Variants in FA2H observed in about 807,000 individuals in gnomAD.
The protein encoded by FA2H is fatty acid alpha-hydroxylase.
A neutral mutation model predicts 44.9 loss-of-function variants in FA2H; 22 were observed. That is an observed-to-expected ratio of 0.49 (90% CI 0.35 to 0.70). FA2H has a LOEUF of 0.70. FA2H is among the 30% of genes least tolerant of loss of function. FA2H has a pLI of 0.01. For synonymous variants in FA2H, 243 were observed against 213.2 expected (o/e 1.14, Z -1.22); for missense variants, 501 against 504.9 (o/e 0.99, Z 0.07).
Position 74,774,751 on chromosome 16 carries a change from G to T in FA2H, c.5C>A (p.Ala2Asp), listed in dbSNP as rs1337944520. 7.7e-7 allele frequency: 1 copy of T among 1,305,644 alleles called. No individual in the cohort carries two copies. The highest frequency in any genetic ancestry group is 3.2e-5 in the East Asian group (1 of 31,470). 80.9% of individuals were successfully genotyped at this position (1,305,644 alleles called of 1,614,324 possible). ...GGAGGCGGCGGGGGGCGGAGCGGGGGCCATGGCCGGAGACCGCAGCTCCCA... is the reference window on the plus strand; with the variant it reads ...GGAGGCGGCGGGGGGCGGAGCGGGGTCCATGGCCGGAGACCGCAGCTCCCA... The part of the protein sequence containing the change: M[A>D]PAPPPAASFS... The change falls in exon 1 of 7, where the codon GCC becomes GAC. Residue 2 changes from alanine to aspartate, a missense_variant. Ala to Asp is a moderately radical substitution (Grantham distance 126). Coordinates refer to ENST00000219368, the MANE Select transcript of FA2H (RefSeq NM_024306.5).
intron 1 of FA2H, among the ~76,000 whole-genome samples, chr16:74,755,159 GT>G (rs33961030): frequency 1.8e-4 from 27 of 146,738 alleles, no homozygotes; most frequent in South Asian, 4.3e-4. Flanking sequence ...ATACATTTGT[GT>G]TTTTTTTTTT....
intron 4 of FA2H, among the ~76,000 whole-genome samples, chr16:74,723,419 T>C (rs955555079): frequency 1.3e-5 from 2 of 152,192 alleles, no homozygotes; most frequent in African/African-American, 2.4e-5. Flanking sequence ...ACCGAAGCTC[T>C]ACACCAACTC....
intron 1 of FA2H, among the ~76,000 whole-genome samples, chr16:74,765,810 T>G (rs1962799374): frequency 6.6e-6 from 1 of 152,156 alleles, no homozygotes; most frequent in Non-Finnish European, 1.5e-5. Flanking sequence ...TGCCTTGGCC[T>G]CCCAAAGTGC....
chr16:74,719,255 C>T, intron 4 of FA2H, 95 bp from the exon 5 acceptor site: 1 of 1,095,562 alleles, frequency 9.1e-7, no homozygotes, highest in Non-Finnish European at 1.3e-6. Context: ...AGCTCGGGAG[C>T]TGCTGCCCTC....
chr16:74,760,330 T>C lies in FA2H; in HGVS notation c.270+14156A>G, dbSNP rs957049006. ...GGTGTTTTGCAGGCCCTAATGCTCA[T>C]AAAGGAAGTATTCTCTAGACTGGCT... On this transcript the variant is annotated intron_variant, in intron 1 of 6. Transcript: ENST00000219368. 5.3e-5 allele frequency among the ~76,000 whole-genome samples: 8 copies of C among 152,300 alleles called. No individual in the cohort carries two copies. The South Asian group carries it at 1.0e-3, about 20-fold the overall frequency.
chr16:74,773,278 G>A (rs773265959), intron 1 of FA2H, among the ~76,000 whole-genome samples: 5 of 152,038 alleles, frequency 3.3e-5, no homozygotes, highest in Non-Finnish European at 5.9e-5. Flanking sequence ...ACAGTATATT[G>A]TTGTAACTAT....
intron 4 of FA2H, among the ~76,000 whole-genome samples, chr16:74,723,685 T>C (rs1961887965): frequency 6.6e-6 from 1 of 152,124 alleles, no homozygotes; most frequent in African/African-American, 2.4e-5. Context: ...GAAACCCTGA[T>C]ACCTCTGGGG....
chr16:74,758,681 T>C (rs561684914), intron 1 of FA2H, among the ~76,000 whole-genome samples: 2 of 152,118 alleles, frequency 1.3e-5, no homozygotes, highest in Non-Finnish European at 2.9e-5. Flanking sequence ...ATCCCAGCAC[T>C]TTGGGAGGCT....
intron 3 of FA2H, 103 bp downstream of exon 3, chr16:74,727,141 C>G: frequency 6.8e-7 from 1 of 1,469,616 alleles, no homozygotes; most frequent in Non-Finnish European, 9.4e-7. Flanking sequence ...ACAGCATAGA[C>G]CTGGGCTCTG....
intron 6 of FA2H, 123 bp downstream of exon 6, chr16:74,716,224 G>T: frequency 8.9e-7 from 1 of 1,119,044 alleles, no homozygotes; most frequent in Non-Finnish European, 1.3e-6. Context: ...GAGAGTAGAG[G>T]GAACCCTCTG....
At chr16:74,720,522 T>A (rs1441912552) in intron 4 of FA2H, among the ~76,000 whole-genome samples, 1 of 152,066 alleles carries the variant, frequency 6.6e-6, no homozygotes, top group African/African-American at 2.4e-5. Flanking sequence ...TCTTTGTTTC[T>A]TTTCTCTACA....
At chr16:74,767,613 C>T (rs1962833309) in intron 1 of FA2H, among the ~76,000 whole-genome samples, 1 of 152,238 alleles carries the variant, frequency 6.6e-6, no homozygotes, top group Admixed American at 6.5e-5. Flanking sequence ...GAGGCAGAGG[C>T]TGGCATGATG....
At chr16:74,715,812 C>CTTTT (rs1281614622) in intron 6 of FA2H, among the ~76,000 whole-genome samples, 1 of 149,198 alleles carries the variant, frequency 6.7e-6, no homozygotes, top group African/African-American at 2.5e-5. Flanking sequence ...TCTTCTTCTT[C>CTTTT]TTCTTTTTTT....
rs891980427 is a variant in FA2H at position 74,713,050 on chromosome 16, T to G, written c.*1140A>C. ...GTTTTGTATATTTATTCCAAAATCT[T>G]TAAATAGCTCCGCAGCAAACAGTAC... On this transcript the variant is annotated 3_prime_UTR_variant, in exon 7 of 7. Transcript: ENST00000219368. 2.0e-5 allele frequency: 3 copies of G among 152,664 alleles called. No individual in the cohort carries two copies. The highest frequency in any genetic ancestry group is 7.2e-5 in the African/African-American group (3 of 41,466). The allele number at this position is 152,664 out of a possible 1,614,324, so 9.5% of individuals were successfully genotyped here. A position where few individuals can be genotyped will look rare whatever the true frequency, so the allele number is the denominator to read the frequency against.
chr16:74,774,102 G>C (rs187516980), intron 1 of FA2H, among the ~76,000 whole-genome samples: 29 of 152,252 alleles, frequency 1.9e-4, no homozygotes, highest in African/African-American at 3.9e-4. Flanking sequence ...TGGTTGCAAA[G>C]AGGGAGAGGC....
chr16:74,774,691 G>A lies in FA2H; in HGVS notation c.65C>T (p.Ala22Val). The A allele has an allele frequency of 7.2e-7, 1 of 1,379,738 alleles. No homozygotes were observed. Among genetic ancestry groups the A allele is most frequent in the Non-Finnish European group, 9.3e-7 (1 of 1,072,992 alleles). 85.5% of individuals were successfully genotyped at this position (1,379,738 alleles called of 1,614,324 possible). Reference protein sequence around the residue: ...SPSEVQRRLAAGACWVRRGAR... With the variant: ...SPSEVQRRLAVGACWVRRGAR... ...CCCGCGGCGGACCCAGCACGCGCCG[G>A]CCGCCAGGCGCCGCTGGACCTCGGA... The change falls in exon 1 of 7, where the codon GCC becomes GTC. Residue 22 changes from alanine (A) to valine (V), a missense_variant. By Grantham distance (64) the Ala-to-Val change is moderately conservative. Transcript: ENST00000219368.
chr16:74,739,798 T>C (rs934029731), intron 2 of FA2H, among the ~76,000 whole-genome samples: 43 of 152,146 alleles, frequency 2.8e-4, no homozygotes, highest in African/African-American at 1.0e-3. Flanking sequence ...TGCTCAGAAC[T>C]TGTCTGCTAT....
intron 2 of FA2H, among the ~76,000 whole-genome samples, chr16:74,731,960 C>A (rs1446970192): frequency 6.6e-6 from 1 of 152,214 alleles, no homozygotes; most frequent in Non-Finnish European, 1.5e-5. Flanking sequence ...GCAGCACCAA[C>A]CTCCTAAGCT....
At chr16:74,736,359 A>G (rs1962180328) in intron 2 of FA2H, among the ~76,000 whole-genome samples, 1 of 152,296 alleles carries the variant, frequency 6.6e-6, no homozygotes, top group Admixed American at 6.5e-5. Context: ...CTAGGCAGGC[A>G]GGGTGCCTAG....
Sources: allele counts gnomAD v4.1 joint callset (sites outside exome capture counted in the v4.1 genomes callset), GRCh38; gene constraint gnomAD v4.1.1; transcripts MANE v1.5; gene names NCBI Gene and HGNC (gene_info 2026-07-23, HGNC 2026-07-21).